Variants in ARID1B observed in about 807,000 individuals in gnomAD.
The protein encoded by ARID1B is AT-rich interactive domain-containing protein 1B.
In ARID1B, 30 loss-of-function variants were observed where a neutral mutation model predicts 212.3. The observed-to-expected ratio is 0.14, with a 90% CI of 0.11 to 0.19. ARID1B has a LOEUF of 0.19. ARID1B is among the 10% of genes least tolerant of loss of function. The probability of loss-of-function intolerance (pLI) is 1.00; values close to 1 mark genes in which losing one functional copy is unlikely to be tolerated. For synonymous variants in ARID1B, 1,402 were observed against 1,301.7 expected (o/e 1.08, Z -1.66); for missense variants, 2,891 against 3,204.0 (o/e 0.90, Z 2.36).
At chr6:156,894,905 T>C (rs184074) in intron 2 of ARID1B, among the ~76,000 whole-genome samples, 96,603 of 152,028 alleles carry the variant, frequency 0.64, 31,084 homozygotes, top group African/African-American at 0.73. Flanking sequence ...GATTTCTATA[T>C]GTATTTCAGG....
chr6:157,021,395 C>T (rs1330610352), intron 4 of ARID1B, among the ~76,000 whole-genome samples: 1 of 152,218 alleles, frequency 6.6e-6, no homozygotes, highest in Non-Finnish European at 1.5e-5. Flanking sequence ...GCCGCGGAGG[C>T]GCTGGGCGAG....
chr6:156,865,412 A>G (rs1214584075), intron 2 of ARID1B, among the ~76,000 whole-genome samples: 1 of 152,176 alleles, frequency 6.6e-6, no homozygotes, highest in East Asian at 1.9e-4. Flanking sequence ...TGTCTTAACC[A>G]CCAGTCTTGC....
At chr6:157,050,671 C>T (rs1014791222) in intron 4 of ARID1B, among the ~76,000 whole-genome samples, 4 of 152,090 alleles carry the variant, frequency 2.6e-5, no homozygotes, top group Non-Finnish European at 5.9e-5. Flanking sequence ...AGTAAATAAC[C>T]TTCATTAAAA....
At chr6:156,940,483 AG>A (rs1270093466) in intron 4 of ARID1B, 1 of 152,216 alleles carries the variant, frequency 6.6e-6, no homozygotes, top group Non-Finnish European at 1.5e-5. Flanking sequence ...GGAAGGAGGT[AG>A]TAAATGCTGG....
At chr6:157,061,626 A>G (rs528684209) in intron 4 of ARID1B, among the ~76,000 whole-genome samples, 2 of 152,206 alleles carry the variant, frequency 1.3e-5, no homozygotes, top group African/African-American at 4.8e-5. Context: ...TAAGCAATGA[A>G]TAAAATTTTA....
intron 19 of ARID1B, 37 bp downstream of exon 19, chr6:157,204,033 A>T: frequency 6.2e-7 from 1 of 1,612,302 alleles, no homozygotes; most frequent in Non-Finnish European, 8.5e-7. Context: ...CCAAATTAGG[A>T]TAGGAGAGCA....
In ARID1B at chr6:157,138,239, GGTTA is replaced by G. The variant is rs201954626; in HGVS notation, c.2761+5036_2761+5039del. Among the ~76,000 whole-genome samples, 405 of 151,312 alleles carry G rather than the reference GGTTA, an allele frequency of 2.7e-3. 2 individuals are homozygous for G. The highest frequency in any genetic ancestry group is 8.5e-3 in the African/African-American group (350 of 40,980). ...TGGTTGGTTGGTTGGTTGGTTGGTTGGTTAGTTGGTTGTTGAGACAGAGTCTCAC... is the reference window on the plus strand; with the variant it reads ...TGGTTGGTTGGTTGGTTGGTTGGTTGGTTGGTTGTTGAGACAGAGTCTCAC... On this transcript the variant is annotated intron_variant, in intron 7 of 19. Coordinates refer to ENST00000636930, the MANE Select transcript of ARID1B (RefSeq NM_001374828.1).
intron 5 of ARID1B, among the ~76,000 whole-genome samples, chr6:157,088,345 G>A (rs968804923): frequency 5.9e-5 from 9 of 152,122 alleles, no homozygotes; most frequent in East Asian, 3.9e-4. Flanking sequence ...CAGCTAAGCC[G>A]AGGGCCACTC....
At chr6:156,962,477 G>A (rs1794452774) in intron 4 of ARID1B, among the ~76,000 whole-genome samples, 1 of 152,120 alleles carries the variant, frequency 6.6e-6, no homozygotes, top group Admixed American at 6.5e-5. Flanking sequence ...GGCGTGGTGG[G>A]GACGTGGAGG....
chr6:156,889,166 C>G (rs1787740417), intron 2 of ARID1B, among the ~76,000 whole-genome samples: 1 of 152,198 alleles, frequency 6.6e-6, no homozygotes, highest in Non-Finnish European at 1.5e-5. Flanking sequence ...ACCCTCCTAC[C>G]ATACCAAGTT....
rs55694137 is a variant in ARID1B at position 156,944,954 on chromosome 6, G to A, written c.2247+9378G>A. On this transcript the variant is annotated intron_variant, in intron 4 of 19. Transcript: ENST00000636930. ...TTTTTTTTTTTTGAGACGGAGTCTCGCTGTGTCGCCCAGGCTGGAGTGTAG... is the reference window on the plus strand; with the variant it reads ...TTTTTTTTTTTTGAGACGGAGTCTCACTGTGTCGCCCAGGCTGGAGTGTAG... Among the ~76,000 whole-genome samples the A allele has an allele frequency of 3.1e-3, 440 of 140,484 alleles. 1 individual carries two copies. Among genetic ancestry groups the A allele is most frequent in the Non-Finnish European group, 4.8e-3 (319 of 66,188 alleles). The allele number at this position is 140,484 out of a possible 152,430, so 92.2% of individuals were successfully genotyped here.
chr6:157,191,173 T>C (rs1424881499), intron 15 of ARID1B, among the ~76,000 whole-genome samples: 1 of 151,886 alleles, frequency 6.6e-6, no homozygotes, highest in East Asian at 1.9e-4. Flanking sequence ...TAAGAGTAGC[T>C]TTGGGGAGAC....
chr6:157,131,030 A>G (rs897441875), intron 6 of ARID1B, among the ~76,000 whole-genome samples: 3 of 152,144 alleles, frequency 2.0e-5, no homozygotes, highest in Non-Finnish European at 4.4e-5. Context: ...ACTCGCTTCC[A>G]TTTGCCTGGA....
At position 157,207,106 on chromosome 6, in the gene ARID1B, A is replaced by C. The variant is rs769317884; in HGVS notation, c.6334A>C (p.Lys2112Gln). ...TCTTCACCACGAGCATCCAGAGAGAAAGCGAGCACCGCAGACCTATGAGAA... is the reference window on the plus strand; with the variant it reads ...TCTTCACCACGAGCATCCAGAGAGACAGCGAGCACCGCAGACCTATGAGAA... ...ILLHHEHPERKRAPQTYEKEE... is the reference protein window; with the variant it reads ...ILLHHEHPERQRAPQTYEKEE... Residue 2112 changes from lysine to glutamine, a missense_variant, in exon 20 of 20, where the codon AAG becomes CAG. By Grantham distance (53) the Lys-to-Gln change is moderately conservative (BLOSUM62 1). This residue lies in a region of ARID1B where 41 missense variants were observed against 40.4 expected (regional missense o/e 1.01). Transcript: ENST00000636930. The surrounding 1 kb of genome is among the most constrained non-coding windows in gnomAD (Gnocchi z 8.5). 2 of 1,614,078 alleles carry C rather than the reference A, an allele frequency of 1.2e-6. No homozygotes were observed. The highest frequency in any genetic ancestry group is 1.3e-5 in the African/African-American group (1 of 74,922).
At chr6:157,083,787 A>T (rs911081086) in intron 4 of ARID1B, among the ~76,000 whole-genome samples, 2 of 152,222 alleles carry the variant, frequency 1.3e-5, no homozygotes, top group African/African-American at 4.8e-5. Context: ...TTATTTTCAC[A>T]ATATCATATA....
chr6:157,011,581 A>T (rs1447403704), intron 4 of ARID1B, among the ~76,000 whole-genome samples: 3 of 152,222 alleles, frequency 2.0e-5, no homozygotes, highest in Non-Finnish European at 4.4e-5. Context: ...TTAGAAAGTT[A>T]TGTTTTTATG....
In ARID1B at chr6:157,210,318, A is replaced by G. The variant is rs1324120768; in HGVS notation, c.*2427A>G. ...TCAATATTATTCTAATTTCTCTCTT[A>G]CAGAGTACAAATAAAAGGTGTATAC... On this transcript the variant is annotated 3_prime_UTR_variant, in exon 20 of 20. Coordinates refer to ENST00000636930, the MANE Select transcript of ARID1B (RefSeq NM_001374828.1). The G allele has an allele frequency of 8.7e-6, 2 of 230,532 alleles. No individual in the cohort carries two copies. The highest frequency in any genetic ancestry group is 8.6e-6 in the Non-Finnish European group (1 of 116,482). 14.3% of individuals were successfully genotyped at this position (230,532 alleles called of 1,614,324 possible).
Position 157,164,398 on chromosome 6 carries a change from G to A in ARID1B, c.3090-2642G>A, listed in dbSNP as rs1174025402. On this transcript the variant is annotated intron_variant, in intron 8 of 19. Coordinates refer to ENST00000636930, the MANE Select transcript of ARID1B (RefSeq NM_001374828.1). The stretch of plus-strand genomic sequence containing the variant: ...CCTGGGGGAGAAATCCTAGATGAGG[G>A]TTGGATGATTACTTCATTCAGTCAT... Among the ~76,000 whole-genome samples, 3 of 152,270 alleles carry A rather than the reference G, an allele frequency of 2.0e-5. No individual in the cohort carries two copies. In the East Asian group the frequency reaches 5.8e-4, roughly 29 times the overall value.
At chr6:157,051,685 A>G (rs1396426826) in intron 4 of ARID1B, among the ~76,000 whole-genome samples, 1 of 152,190 alleles carries the variant, frequency 6.6e-6, no homozygotes, top group African/African-American at 2.4e-5. Context: ...AAAAAAATGA[A>G]TATTTATAAT....
Sources: gnomAD v4.1 joint callset for allele counts (sites outside exome capture counted in the v4.1 genomes callset) on GRCh38, gnomAD v4.1.1 for gene constraint, gnomAD v4.1.1 regional missense constraint, Gnocchi (gnomAD v3.1) non-coding constraint, MANE v1.5 for transcripts, NCBI Gene and HGNC (gene_info 2026-07-23, HGNC 2026-07-21) for gene names.